CDK5RAP2: variants seen among roughly 807,000 people sequenced by gnomAD.
CDK5RAP2 encodes the protein CDK5 regulatory subunit-associated protein 2.
Under a neutral mutation model 232.9 loss-of-function variants are expected in CDK5RAP2, and 147 were observed. The ratio of observed to expected loss-of-function variants is 0.63; its 90% CI spans 0.55 to 0.72. CDK5RAP2 has a LOEUF of 0.72. Ranked by LOEUF, CDK5RAP2 falls within the 30% of genes least tolerant of loss-of-function variation. CDK5RAP2 has a pLI of 0.00. For synonymous variants in CDK5RAP2, 833 were observed against 833.7 expected, an observed-to-expected ratio of 1.00 and a Z score of 0.01; for missense variants, 2,195 against 2,231.5, an observed-to-expected ratio of 0.98 and a Z score of 0.33.
Position 120,437,536 on chromosome 9 carries a change from A to G in CDK5RAP2, c.3723-9T>C. On this transcript the variant is annotated splice_polypyrimidine_tract_variant and intron_variant, in intron 24 of 37. Transcript: ENST00000349780. ...GAACTAATGAATCGTATCTGATAAA[A>G]GAGGGGAAAGAAAATACTTGGACCA... The G allele has an allele frequency of 6.3e-7, 1 of 1,594,542 alleles. No homozygotes were observed. Among genetic ancestry groups the G allele is most frequent in the Non-Finnish European group, 8.6e-7 (1 of 1,162,162 alleles).
intron 25 of CDK5RAP2, among the ~76,000 whole-genome samples, chr9:120,436,534 T>C (rs2035589916): frequency 6.6e-6 from 1 of 152,222 alleles, no homozygotes; most frequent in African/African-American, 2.4e-5. Flanking sequence ...CCTTTTCTGA[T>C]TGTGATAACA....
At chr9:120,518,202 TGTGTGTGTGAGAGAGAGA>T (rs1226780318) in intron 12 of CDK5RAP2, among the ~76,000 whole-genome samples, 4 of 108,228 alleles carry the variant, frequency 3.7e-5, no homozygotes, top group African/African-American at 7.9e-5. Context: ...TGTGTGTGTG[TGTGTGTGTGAGAGAGAGA>T]GAGAGAGAGA....
chr9:120,443,569 G>T, intron 23 of CDK5RAP2, 51 bp downstream of exon 23: 1 of 1,599,568 alleles, frequency 6.3e-7, no homozygotes, highest in Admixed American at 1.7e-5. Flanking sequence ...ACATCCAAAT[G>T]GTGCCTGGCA....
rs1312917218 is a variant in CDK5RAP2 at position 120,478,042 on chromosome 9, A to G, written c.1627-592T>C. Among the ~76,000 whole-genome samples the G allele has an allele frequency of 7.9e-5, 12 of 152,340 alleles. 1 individual carries two copies. In the South Asian group the frequency reaches 2.5e-3, roughly 32 times the overall value. On this transcript the variant is annotated intron_variant, in intron 14 of 37. Coordinates refer to ENST00000349780, the MANE Select transcript of CDK5RAP2 (RefSeq NM_018249.6). ...CAGTCTCCTCATTTATGAAATGTGGATGTCATTTTATGAATTCACATTCAC... is the reference window on the plus strand; with the variant it reads ...CAGTCTCCTCATTTATGAAATGTGGGTGTCATTTTATGAATTCACATTCAC...
rs1458932353 is a variant in CDK5RAP2 at position 120,525,049 on chromosome 9, C to G, written c.1029G>C (p.Lys343Asn). 8 of 1,614,076 alleles carry G rather than the reference C, an allele frequency of 5.0e-6. No homozygotes were observed. Among genetic ancestry groups the G allele is most frequent in the Non-Finnish European group, 6.8e-6 (8 of 1,179,948 alleles). ...TGGCTTTAGCAAAGGCAGCACTGAG[C>G]TTTTCAATTTCAGAGTTAAGTTCTT... ...KVEELNSEIE[K>N]LSAAFAKARE... is the part of the protein sequence containing the mutation. Residue 343 changes from lysine (K) to asparagine (N), a missense_variant, in exon 11 of 38, where the codon AAG (lysine) becomes AAC (asparagine). Physicochemically the swap from Lys to Asn is moderately conservative, Grantham distance 94. Coordinates refer to ENST00000349780, the MANE Select transcript of CDK5RAP2 (RefSeq NM_018249.6).
intron 21 of CDK5RAP2, among the ~76,000 whole-genome samples, chr9:120,450,839 G>A (rs897180657): frequency 6.6e-6 from 1 of 152,208 alleles, no homozygotes; most frequent in African/African-American, 2.4e-5. Flanking sequence ...TCAGACCTCA[G>A]ACTAGCTCTT....
At chr9:120,390,252 A>G (rs1046599180) in intron 36 of CDK5RAP2, 1 of 163,106 alleles carries the variant, frequency 6.1e-6, no homozygotes, top group African/African-American at 2.4e-5. Context: ...AGACCCACAT[A>G]TGAGGGTCCA....
At chr9:120,419,065 C>T (rs991494586) in intron 27 of CDK5RAP2, among the ~76,000 whole-genome samples, 2 of 152,194 alleles carry the variant, frequency 1.3e-5, no homozygotes, top group East Asian at 1.9e-4. Context: ...AGGGTAGAGC[C>T]CTCACAGTGA....
chr9:120,502,136 T>C (rs2039604620), intron 12 of CDK5RAP2, among the ~76,000 whole-genome samples: 1 of 152,234 alleles, frequency 6.6e-6, no homozygotes, highest in Non-Finnish European at 1.5e-5. Flanking sequence ...CCCAGTCCAC[T>C]TAACGTATAT....
At chr9:120,570,746 G>A (rs1264234047) in intron 2 of CDK5RAP2, among the ~76,000 whole-genome samples, 1 of 152,196 alleles carries the variant, frequency 6.6e-6, no homozygotes, top group Non-Finnish European at 1.5e-5. Context: ...GGCTGAGGCA[G>A]AAGAATTGCT....
At chr9:120,424,130 T>C (rs1015782428) in intron 25 of CDK5RAP2, among the ~76,000 whole-genome samples, 4 of 152,202 alleles carry the variant, frequency 2.6e-5, no homozygotes, top group African/African-American at 9.6e-5. Flanking sequence ...GTACCTCTGT[T>C]TTAAAGCAAA....
Position 120,443,636 on chromosome 9 carries a change from T to C in CDK5RAP2, c.3132A>G (p.Gln1044=). 2.5e-6 allele frequency: 4 copies of C among 1,614,184 alleles called. No homozygotes were observed. Among genetic ancestry groups the C allele is most frequent in the African/African-American group, 2.7e-5 (2 of 75,064 alleles). ...AATTCTGACCAATCTCGTAGCTTCT[T>C]TGCTGATCACTGTCCATTTCCTTGT... ...WRDKEMDSDQ[Q]RSYEIDSEIC... Residue 1044 remains glutamine, a synonymous_variant, in exon 23 of 38, where the codon CAA becomes CAG. Coordinates refer to ENST00000349780, the MANE Select transcript of CDK5RAP2 (RefSeq NM_018249.6).
At chr9:120,426,047 C>A (rs2034877378) in intron 25 of CDK5RAP2, among the ~76,000 whole-genome samples, 1 of 152,288 alleles carries the variant, frequency 6.6e-6, no homozygotes, top group East Asian at 1.9e-4. Context: ...GAGGGAAGAA[C>A]TGCTTTATAA....
intron 20 of CDK5RAP2, among the ~76,000 whole-genome samples, chr9:120,457,413 T>A (rs2036843252): frequency 6.6e-6 from 1 of 152,220 alleles, no homozygotes; most frequent in African/African-American, 2.4e-5. Flanking sequence ...TTTGGGACCC[T>A]GATGTTTAGG....
At chr9:120,462,474 T>C (rs2037145224) in intron 18 of CDK5RAP2, among the ~76,000 whole-genome samples, 1 of 149,868 alleles carries the variant, frequency 6.7e-6, no homozygotes. Flanking sequence ...CAACAAAGAA[T>C]TGTACATGAA....
intron 3 of CDK5RAP2, among the ~76,000 whole-genome samples, chr9:120,555,290 C>T (rs2042186128): frequency 6.6e-6 from 1 of 152,104 alleles, no homozygotes; most frequent in South Asian, 2.1e-4. Flanking sequence ...CACTACCACG[C>T]TCGGCTAAGT....
At chr9:120,513,465 G>A (rs752795961) in intron 12 of CDK5RAP2, among the ~76,000 whole-genome samples, 2 of 152,040 alleles carry the variant, frequency 1.3e-5, no homozygotes, top group South Asian at 2.1e-4. Flanking sequence ...ATCCCTAGAG[G>A]AACCACCCTT....
At chr9:120,544,455 T>C (rs2041759104) in intron 5 of CDK5RAP2, among the ~76,000 whole-genome samples, 1 of 152,236 alleles carries the variant, frequency 6.6e-6, no homozygotes, top group South Asian at 2.1e-4. Flanking sequence ...AAATACCAAG[T>C]GTGCAAGTTC....
chr9:120,485,326 T>C (rs2038540633), intron 14 of CDK5RAP2, among the ~76,000 whole-genome samples: 1 of 148,654 alleles, frequency 6.7e-6, no homozygotes, highest in Non-Finnish European at 1.5e-5. Context: ...AGAGGAGTCT[T>C]GCTCTGTTGC....
Sources: allele counts gnomAD v4.1 joint callset (sites outside exome capture counted in the v4.1 genomes callset), GRCh38; gene constraint gnomAD v4.1.1; transcripts MANE v1.5; gene names NCBI Gene and HGNC (gene_info 2026-07-23, HGNC 2026-07-21).